PTPRA: variants seen among roughly 807,000 people sequenced by gnomAD.
PTPRA encodes receptor-type tyrosine-protein phosphatase alpha.
In PTPRA, 25 loss-of-function variants were observed where a neutral mutation model predicts 104.8. The ratio of observed to expected loss-of-function variants is 0.24; its 90% CI spans 0.17 to 0.33. The LOEUF is 0.33. PTPRA is among the 10% of genes least tolerant of loss of function. PTPRA has a pLI of 1.00. For missense variants in PTPRA, 765 were observed against 1,015.3 expected, an observed-to-expected ratio of 0.75 and a Z score of 3.35; for synonymous variants, 323 against 368.9, an observed-to-expected ratio of 0.88 and a Z score of 1.43.
chr20:2,933,455 G>GTTGT (rs1303431512), intron 2 of PTPRA, among the ~76,000 whole-genome samples: 1 of 150,530 alleles, frequency 6.6e-6, no homozygotes. Flanking sequence ...TGGTTGGTTG[G>GTTGT]TTGGTTGGTT....
chr20:2,946,213 AG>A (rs2061124797), intron 2 of PTPRA, among the ~76,000 whole-genome samples: 1 of 152,026 alleles, frequency 6.6e-6, no homozygotes, highest in African/African-American at 2.4e-5. Flanking sequence ...ATGTGGGAGG[AG>A]GGAGGGGAGG....
chr20:3,021,253 C>T (rs2064852691), intron 13 of PTPRA, 56 bp from the exon 14 acceptor site: 5 of 1,608,492 alleles, frequency 3.1e-6, no homozygotes, highest in African/African-American at 2.7e-5. Context: ...AGGCCCTTTG[C>T]ATCTGCCATG....
chr20:2,922,782 G>C (rs1023484407), intron 1 of PTPRA, among the ~76,000 whole-genome samples: 1 of 151,492 alleles, frequency 6.6e-6, no homozygotes, highest in Non-Finnish European at 1.5e-5. Flanking sequence ...TTAGAGATGC[G>C]TGCCACCATG....
intron 6 of PTPRA, 37 bp from the exon 7 acceptor site, chr20:2,986,728 A>C (rs1287242588): frequency 6.4e-7 from 1 of 1,565,618 alleles, no homozygotes; most frequent in Non-Finnish European, 8.8e-7. Flanking sequence ...TCCATTGCAC[A>C]ACACAGTAAT....
chr20:3,036,877 G>A (rs1315653850), intron 22 of PTPRA, among the ~76,000 whole-genome samples: 4 of 152,234 alleles, frequency 2.6e-5, no homozygotes, highest in Admixed American at 6.5e-5. Context: ...AGGCCAGCAT[G>A]TGCAGGTGGA....
intron 2 of PTPRA, among the ~76,000 whole-genome samples, chr20:2,925,825 A>G (rs901803841): frequency 6.6e-6 from 1 of 151,606 alleles, no homozygotes; most frequent in Non-Finnish European, 1.5e-5. Flanking sequence ...TTGAAAAAAC[A>G]AAAACAAAAA....
At chr20:2,976,953 A>G (rs1568678571) in intron 6 of PTPRA, among the ~76,000 whole-genome samples, 1 of 152,218 alleles carries the variant, frequency 6.6e-6, no homozygotes, top group Non-Finnish European at 1.5e-5. Context: ...GAAGTCCAGG[A>G]AACTGGTTAT....
At chr20:2,927,693 T>C (rs771787803) in intron 2 of PTPRA, among the ~76,000 whole-genome samples, 1 of 152,142 alleles carries the variant, frequency 6.6e-6, no homozygotes, top group African/African-American at 2.4e-5. Context: ...ATATCAGTCT[T>C]TCTTTGTATT....
intron 20 of PTPRA, 144 bp downstream of exon 20, chr20:3,027,985 G>C: frequency 8.6e-7 from 1 of 1,159,976 alleles, no homozygotes; most frequent in Non-Finnish European, 1.2e-6. Flanking sequence ...CATAGTATAA[G>C]TACATACTTA....
chr20:2,947,665 A>G (rs1242604115), intron 2 of PTPRA, among the ~76,000 whole-genome samples: 2 of 152,204 alleles, frequency 1.3e-5, no homozygotes, highest in African/African-American at 4.8e-5. Flanking sequence ...CGTAGAGTGC[A>G]CAGTGGACTG....
At chr20:2,890,455 T>C (rs888948419) in intron 1 of PTPRA, among the ~76,000 whole-genome samples, 5 of 152,190 alleles carry the variant, frequency 3.3e-5, no homozygotes, top group African/African-American at 9.7e-5. Context: ...AAGCATTAGA[T>C]AGTGCGTGGT....
At chr20:2,905,690 C>CTTTTTTTTT (rs11479039) in intron 1 of PTPRA, among the ~76,000 whole-genome samples, 23 of 70,630 alleles carry the variant, frequency 3.3e-4, no homozygotes, top group African/African-American at 5.0e-4. Context: ...TCATAAAATT[C>CTTTTTTTTT]TTTTTTTTTT....
chr20:2,989,834 A>G (rs1178036), intron 9 of PTPRA, among the ~76,000 whole-genome samples: 143,082 of 151,976 alleles, frequency 0.94, 67,418 homozygotes, highest in African/African-American at 0.98. Flanking sequence ...TGGCTAACAC[A>G]GTGAAACCCT....
At chr20:2,886,260 A>G (rs546415385) in intron 1 of PTPRA, among the ~76,000 whole-genome samples, 5 of 152,328 alleles carry the variant, frequency 3.3e-5, no homozygotes, top group Admixed American at 3.3e-4. Context: ...GTATGGTTAC[A>G]TTAAAAAGAA....
At chr20:2,892,289 CAAAA>C (rs34741114) in intron 1 of PTPRA, among the ~76,000 whole-genome samples, 1 of 80,568 alleles carries the variant, frequency 1.2e-5, no homozygotes, top group Non-Finnish European at 2.5e-5. Context: ...GACTCTGTCT[CAAAA>C]AAAAAAAAAA....
rs938750341 is a variant in PTPRA, at chr20:2,964,469, G to A, written c.73+119G>A. On this transcript the variant is annotated intron_variant, in intron 4 of 23. Transcript: ENST00000399903. ...AAGGAATATAAAAATTTTATTCAAA[G>A]TGATGGTAAAATAGGTGTCTTCAGA... 86 of 890,834 alleles carry A rather than the reference G, an allele frequency of 9.7e-5. No individual in the cohort carries two copies. The Admixed American group carries it at 1.0e-3, about 10-fold the overall frequency. 55.2% of individuals were successfully genotyped at this position (890,834 alleles called of 1,614,324 possible). A position where few individuals can be genotyped will look rare whatever the true frequency, so the allele number is the denominator to read the frequency against.
intron 1 of PTPRA, among the ~76,000 whole-genome samples, chr20:2,876,851 C>T (rs528931793): frequency 1.3e-5 from 2 of 152,270 alleles, no homozygotes; most frequent in Middle Eastern, 3.4e-3. Context: ...GGATCAACTA[C>T]GATGCTTTTT....
chr20:2,953,435 A>G (rs2061420764), intron 3 of PTPRA, among the ~76,000 whole-genome samples: 4 of 151,326 alleles, frequency 2.6e-5, no homozygotes, highest in Admixed American at 2.6e-4. Flanking sequence ...TTGTATTTTT[A>G]GTAGAGGTGG....
chr20:3,028,033 A>G (rs1165356136), intron 20 of PTPRA, among the ~76,000 whole-genome samples, 192 bp downstream of exon 20: 1 of 152,238 alleles, frequency 6.6e-6, no homozygotes, highest in Admixed American at 6.5e-5. Flanking sequence ...AGGATTGCCC[A>G]GCCCGTTGGT....
Sources: allele counts gnomAD v4.1 joint callset (sites outside exome capture counted in the v4.1 genomes callset), GRCh38; gene constraint gnomAD v4.1.1; transcripts MANE v1.5; gene names NCBI Gene and HGNC (gene_info 2026-07-23, HGNC 2026-07-21).